TNS1: variants seen among roughly 807,000 people sequenced by gnomAD.
The protein encoded by TNS1 is tensin 1.
TNS1 carries 62 observed loss-of-function variants against 168.6 expected under a neutral mutation model. That is an observed-to-expected ratio of 0.37 (90% confidence interval 0.30 to 0.45). The LOEUF is 0.45. Ranked by LOEUF, TNS1 falls within the 20% of genes least tolerant of loss-of-function variation. The probability of loss-of-function intolerance (pLI) is 1.00; values close to 1 mark genes in which losing one functional copy is unlikely to be tolerated. For missense variants in TNS1, 2,240 were observed against 2,339.4 expected (o/e 0.96, Z 0.88); for synonymous variants, 934 against 933.2 (o/e 1.00, Z -0.02).
intron 1 of TNS1, among the ~76,000 whole-genome samples, chr2:218,026,339 T>C (rs75590422): frequency 0.036 from 5,475 of 152,070 alleles, 120 homozygotes; most frequent in Middle Eastern, 0.075. Context: ...ACCGCCTGCC[T>C]TTTGGGGGAA....
chr2:217,953,618 C>T (rs1046066416), intron 3 of TNS1, among the ~76,000 whole-genome samples: 1 of 152,116 alleles, frequency 6.6e-6, no homozygotes, highest in South Asian at 2.1e-4. Flanking sequence ...TGCCTTTGCC[C>T]ACTCCCACCC....
At chr2:217,826,555 T>C (rs571658349) in intron 22 of TNS1, among the ~76,000 whole-genome samples, 3 of 152,292 alleles carry the variant, frequency 2.0e-5, no homozygotes, top group Admixed American at 2.0e-4. Flanking sequence ...TTCCTAATTC[T>C]TTCCTGCCAA....
intron 18 of TNS1, among the ~76,000 whole-genome samples, chr2:217,858,207 A>G (rs1445082493): frequency 1.3e-5 from 2 of 151,862 alleles, no homozygotes; most frequent in Non-Finnish European, 2.9e-5. Context: ...ACTCAGACAC[A>G]CGGCCCCCCC....
chr2:217,848,109 C>T lies in TNS1; in HGVS notation c.2408G>A (p.Ser803Asn), dbSNP rs1431334368. 5 of 1,572,148 alleles carry T rather than the reference C, an allele frequency of 3.2e-6. No individual in the cohort carries two copies. The African/African-American group carries it at 6.8e-5, about 21-fold the overall frequency. ...TGCCAATGGCTGAGGGCTGGGCCTG[C>T]TGGCTACAAGACTCTCCAAGTGGGC... Reference protein sequence around the residue: ...ERAHLESLVASRPSPQPLAET... With the variant: ...ERAHLESLVANRPSPQPLAET... The change falls in exon 19 of 33, where the codon AGC becomes AAC. Residue 803 changes from serine (S) to asparagine (N), a missense_variant. Physicochemically the swap from Ser to Asn is conservative, Grantham distance 46. Transcript: ENST00000682258.
At position 217,835,152 on chromosome 2, in the gene TNS1, G is replaced by T; in HGVS notation, c.3219C>A (p.Ser1073Arg). Reference sequence around the variant, plus strand: ...CCATCTCCTCGAAGGCCTCCTTGTAGCTGTGCAAATGGGGCTGTGGGAGAA... The same window carrying T: ...CCATCTCCTCGAAGGCCTCCTTGTATCTGTGCAAATGGGGCTGTGGGAGAA... ...GGRPKEPHLH[S>R]YKEAFEEMEG... Residue 1073 changes from serine to arginine, a missense_variant, in exon 21 of 33, where the codon AGC becomes AGA. Ser to Arg is a moderately radical substitution (Grantham distance 110, BLOSUM62 -1). Transcript: ENST00000682258. 6.3e-7 allele frequency: 1 copy of T among 1,598,752 alleles called. No individual in the cohort carries two copies.
chr2:218,025,470 G>A (rs891246117), intron 1 of TNS1, among the ~76,000 whole-genome samples: 53 of 152,060 alleles, frequency 3.5e-4, no homozygotes, highest in African/African-American at 1.3e-3. Context: ...GGCTGGTCTC[G>A]AACTCCTGCC....
chr2:218,003,200 G>A (rs190783315), upstream of TNS1, among the ~76,000 whole-genome samples: 4,290 of 150,450 alleles, frequency 0.029, 199 homozygotes, highest in African/African-American at 0.094. Context: ...CCCAGGCCGT[G>A]CCCCCCACCC....
intron 7 of TNS1, among the ~76,000 whole-genome samples, chr2:217,898,794 A>C (rs1461236733): frequency 6.6e-6 from 1 of 152,214 alleles, no homozygotes; most frequent in African/African-American, 2.4e-5. Flanking sequence ...TCCACTGGGC[A>C]CTGGGTGAGG....
chr2:217,879,697 T>C (rs114656561), intron 18 of TNS1, among the ~76,000 whole-genome samples: 2,679 of 152,236 alleles, frequency 0.018, 77 homozygotes, highest in African/African-American at 0.061. Context: ...AGAGGAGAAA[T>C]CTTTATTCAA....
chr2:217,976,489 G>A (rs75829975), intron 3 of TNS1, among the ~76,000 whole-genome samples: 2,728 of 152,306 alleles, frequency 0.018, 93 homozygotes, highest in African/African-American at 0.06. Context: ...ATTCCCTATA[G>A]AGGAAACTCC....
At chr2:218,031,511 AGT>A (rs1326543749) in intron 1 of TNS1, among the ~76,000 whole-genome samples, 7 of 140,890 alleles carry the variant, frequency 5.0e-5, no homozygotes, top group East Asian at 2.2e-4. Context: ...TGTGTGTATG[AGT>A]GTGTCTTGTG....
At chr2:217,907,966 A>G (rs3791929) in intron 4 of TNS1, among the ~76,000 whole-genome samples, 80,494 of 151,636 alleles carry the variant, frequency 0.53, 22,416 homozygotes, top group Non-Finnish European at 0.62. Flanking sequence ...CCCAGCAAGT[A>G]GGATCTCTTT....
chr2:218,011,700 C>T (rs1006631657), upstream of TNS1, among the ~76,000 whole-genome samples: 4 of 152,038 alleles, frequency 2.6e-5, no homozygotes, highest in African/African-American at 4.8e-5. Context: ...CTGCCCCCCG[C>T]GACAGATTCC....
intron 12 of TNS1, among the ~76,000 whole-genome samples, chr2:217,887,014 G>A (rs1951270536): frequency 1.3e-5 from 2 of 152,058 alleles, no homozygotes; most frequent in African/African-American, 4.8e-5. Context: ...TCATTTAGCT[G>A]CACAAGGCAG....
At chr2:217,873,163 G>A (rs1397050932) in intron 18 of TNS1, among the ~76,000 whole-genome samples, 4 of 152,236 alleles carry the variant, frequency 2.6e-5, no homozygotes, top group African/African-American at 9.6e-5. Flanking sequence ...ATACTTTAAA[G>A]AGGTGAAGTT....
chr2:217,975,390 G>A (rs1007321124), intron 3 of TNS1, among the ~76,000 whole-genome samples: 1 of 152,078 alleles, frequency 6.6e-6, no homozygotes, highest in African/African-American at 2.4e-5. Context: ...AAATCTGGGG[G>A]CCATTTATTA....
intron 4 of TNS1, among the ~76,000 whole-genome samples, chr2:217,916,142 G>A (rs1954976881): frequency 6.6e-6 from 1 of 152,156 alleles, no homozygotes; most frequent in Non-Finnish European, 1.5e-5. Context: ...ACGAAGCTCG[G>A]CAGATATGAA....
At chr2:217,827,237 A>G (rs1213049144) in intron 22 of TNS1, among the ~76,000 whole-genome samples, 1 of 152,252 alleles carries the variant, frequency 6.6e-6, no homozygotes, top group Non-Finnish European at 1.5e-5. Flanking sequence ...AATGCATGAA[A>G]GAATGAATGA....
intron 10 of TNS1, 37 bp downstream of exon 10, chr2:217,893,392 GCGCGCGCGCA>G: frequency 2.0e-6 from 3 of 1,479,020 alleles, no homozygotes; most frequent in African/African-American, 1.8e-5. Context: ...GTGCGCATGT[GCGCGCGCGCA>G]CACACACACA....
Sources: allele counts gnomAD v4.1 joint callset (sites outside exome capture counted in the v4.1 genomes callset), GRCh38; gene constraint gnomAD v4.1.1; transcripts MANE v1.5; gene names NCBI Gene and HGNC (gene_info 2026-07-23, HGNC 2026-07-21).